THSD4: variants seen among roughly 807,000 people sequenced by gnomAD.
The protein encoded by THSD4 is thrombospondin type 1 domain containing 4, also known as thrombospondin type-1 domain-containing protein 4.
A neutral mutation model predicts 119.0 loss-of-function variants in THSD4; 69 were observed. The ratio of observed to expected loss-of-function variants is 0.58; its 90% CI spans 0.48 to 0.71. The LOEUF is 0.71. THSD4 is among the 30% of genes least tolerant of loss of function. THSD4 has a pLI of 0.00. For missense variants in THSD4, 1,393 were observed against 1,391.1 expected, an observed-to-expected ratio of 1.00 and a Z score of -0.02; for synonymous variants, 524 against 540.4, an observed-to-expected ratio of 0.97 and a Z score of 0.42.
In THSD4 at chr15:71,215,220, C is replaced by G; in HGVS notation, c.285C>G (p.Ala95=). 7.2e-7 allele frequency: 1 copy of G among 1,390,306 alleles called. No individual in the cohort carries two copies. Among genetic ancestry groups the G allele is most frequent in the Non-Finnish European group, 9.3e-7 (1 of 1,077,520 alleles). 86.1% of individuals were successfully genotyped at this position (1,390,306 alleles called of 1,614,324 possible). Residue 95 remains alanine (A), a synonymous_variant, in exon 4 of 18, where the codon GCC becomes GCG. Transcript: ENST00000261862. ...YRLRGGQRPG[A]PARAFADHVV... ...TGCGCGGCGGCCAGCGGCCTGGCGCCCCTGCGCGCGCCTTCGCGGACCACG... is the reference window on the plus strand; with the variant it reads ...TGCGCGGCGGCCAGCGGCCTGGCGCGCCTGCGCGCGCCTTCGCGGACCACG...
intron 7 of THSD4, among the ~76,000 whole-genome samples, chr15:71,653,239 G>A (rs1340036263): frequency 6.6e-6 from 1 of 152,340 alleles, no homozygotes; most frequent in African/African-American, 2.4e-5. Flanking sequence ...TAGCAGTAAG[G>A]AACTATTTTT....
intron 3 of THSD4, among the ~76,000 whole-genome samples, chr15:71,206,089 G>C (rs908275957): frequency 8.5e-5 from 13 of 152,054 alleles, no homozygotes; most frequent in Non-Finnish European, 2.9e-5. Flanking sequence ...GTTTCAAGTC[G>C]AAAGTCTCCT....
At chr15:71,665,493 T>C (rs899338735) in intron 8 of THSD4, among the ~76,000 whole-genome samples, 93 of 152,356 alleles carry the variant, frequency 6.1e-4, no homozygotes, top group South Asian at 2.1e-3. Context: ...CAGATGCTCT[T>C]AAGTTTAATT....
intron 3 of THSD4, among the ~76,000 whole-genome samples, chr15:71,187,775 T>C (rs553961233): frequency 1.3e-5 from 2 of 152,362 alleles, no homozygotes; most frequent in South Asian, 4.1e-4. Flanking sequence ...TATTCATAAC[T>C]GTGAGCTGTT....
Position 71,745,206 on chromosome 15 carries a change from G to A in THSD4, c.2007G>A (p.Glu669=), listed in dbSNP as rs371964374. 9.1e-5 allele frequency: 147 copies of A among 1,613,782 alleles called. 1 individual carries two copies. The South Asian group carries it at 1.4e-3, about 16-fold the overall frequency. Residue 669 remains glutamate (E), a synonymous_variant, in exon 12 of 18, where the codon GAG becomes GAA. Coordinates refer to ENST00000261862, the MANE Select transcript of THSD4 (RefSeq NM_024817.3). ...GCATGAAGCCGACCCCCGAGGAGGA[G>A]CCCTGCAACATCTTCCCTTGCCCAG... ...DSSMKPTPEE[E]PCNIFPCPAF...
intron 7 of THSD4, among the ~76,000 whole-genome samples, chr15:71,512,316 G>A (rs979439957): frequency 1.3e-5 from 2 of 152,178 alleles, no homozygotes; most frequent in African/African-American, 4.8e-5. Flanking sequence ...TTTGCTCACT[G>A]TACAGCTTTA....
At chr15:71,665,387 C>A (rs2051397308) in intron 8 of THSD4, among the ~76,000 whole-genome samples, 1 of 151,912 alleles carries the variant, frequency 6.6e-6, no homozygotes, top group East Asian at 1.9e-4. Context: ...CTTATAGATG[C>A]TGGATATGAG....
At chr15:71,105,527 G>A (rs542809735) in intron 1 of THSD4, among the ~76,000 whole-genome samples, 6 of 152,136 alleles carry the variant, frequency 3.9e-5, no homozygotes, top group African/African-American at 1.4e-4. Flanking sequence ...GGCTATCTGG[G>A]GTCCTACCCT....
chr15:71,685,832 A>C (rs74743712), intron 8 of THSD4, among the ~76,000 whole-genome samples: 2 of 147,974 alleles, frequency 1.4e-5, no homozygotes, highest in African/African-American at 5.0e-5. Context: ...TGAGTAAGAG[A>C]AAAAAAGGCA....
intron 6 of THSD4, among the ~76,000 whole-genome samples, chr15:71,263,942 A>T (rs1052279710): frequency 6.6e-6 from 1 of 152,232 alleles, no homozygotes; most frequent in Admixed American, 6.5e-5. Flanking sequence ...GTTTGCAAGA[A>T]TAGTAGATGT....
intron 6 of THSD4, among the ~76,000 whole-genome samples, chr15:71,365,372 A>C (rs2045947843): frequency 1.3e-5 from 2 of 151,828 alleles, no homozygotes; most frequent in Admixed American, 6.6e-5. Context: ...AAGCCACCAA[A>C]ATGGTAACCC....
intron 8 of THSD4, among the ~76,000 whole-genome samples, chr15:71,684,030 A>G (rs1336934751): frequency 6.6e-6 from 1 of 152,204 alleles, no homozygotes; most frequent in African/African-American, 2.4e-5. Flanking sequence ...CGTTTATTCA[A>G]ATAGCTTACA....
intron 7 of THSD4, among the ~76,000 whole-genome samples, chr15:71,510,991 T>C (rs1595842584): frequency 6.6e-6 from 1 of 152,120 alleles, no homozygotes; most frequent in Non-Finnish European, 1.5e-5. Context: ...GGTCGAGTGA[T>C]GTTTTGTATG....
rs552226358 is a variant in THSD4, at chr15:71,752,667, G to A, written c.2415+4073G>A. On this transcript the variant is annotated intron_variant, in intron 14 of 17. Coordinates refer to ENST00000261862, the MANE Select transcript of THSD4 (RefSeq NM_024817.3). ...ACCCTGAGCCAGCTACTGATTCACC[G>A]AGCTTCAGTTTTTTCAACTGTAACA... 7.9e-5 allele frequency among the ~76,000 whole-genome samples: 12 copies of A among 152,236 alleles called. No homozygotes were observed. The South Asian group carries it at 1.7e-3, about 21-fold the overall frequency.
chr15:71,656,284 A>C (rs1205251189), intron 7 of THSD4, among the ~76,000 whole-genome samples: 1 of 152,222 alleles, frequency 6.6e-6, no homozygotes, highest in East Asian at 1.9e-4. Flanking sequence ...TTGGTTATGT[A>C]AGATATTATC....
chr15:71,626,023 A>G (rs973381704), intron 7 of THSD4, among the ~76,000 whole-genome samples: 1 of 152,210 alleles, frequency 6.6e-6, no homozygotes, highest in Admixed American at 6.5e-5. Context: ...GTCCTTTTAG[A>G]GGATTTTTAT....
intron 7 of THSD4, among the ~76,000 whole-genome samples, chr15:71,542,649 A>G (rs2048774951): frequency 6.6e-6 from 1 of 152,074 alleles, no homozygotes; most frequent in Admixed American, 6.5e-5. Context: ...AGGCCGAGGT[A>G]GGCGGATCAT....
intron 3 of THSD4, among the ~76,000 whole-genome samples, chr15:71,195,414 G>A (rs1230310361): frequency 1.3e-5 from 2 of 152,206 alleles, no homozygotes; most frequent in Admixed American, 6.5e-5. Flanking sequence ...AGGGAGGAAG[G>A]ACATTTATCT....
upstream of THSD4, chr15:71,111,513 C>T: frequency 2.2e-6 from 2 of 920,080 alleles, no homozygotes; most frequent in Non-Finnish European, 3.3e-6. Flanking sequence ...CTCAAAATAA[C>T]AGCAAGTTGA....
Sources: allele counts gnomAD v4.1 joint callset (sites outside exome capture counted in the v4.1 genomes callset), GRCh38; gene constraint gnomAD v4.1.1; transcripts MANE v1.5; gene names NCBI Gene and HGNC (gene_info 2026-07-23, HGNC 2026-07-21).